Variants in RBFOX3 observed in about 807,000 individuals in gnomAD.
RBFOX3 encodes RNA binding protein fox-1 homolog 3.
RBFOX3 carries 17 observed loss-of-function variants against 48.7 expected under a neutral mutation model. The observed-to-expected ratio is 0.35, with a 90% CI of 0.24 to 0.52. The LOEUF (loss-of-function observed/expected upper bound fraction) is 0.52, where lower values mean the gene tolerates loss of function less well. Among genes scored for constraint, RBFOX3 ranks in the 20% least tolerant of loss-of-function variants. The probability of loss-of-function intolerance (pLI) is 0.94; values close to 1 mark genes in which losing one functional copy is unlikely to be tolerated. For synonymous variants in RBFOX3, 212 were observed against 209.5 expected (o/e 1.01, Z -0.10); for missense variants, 382 against 497.5 (o/e 0.77, Z 2.21).
intron 1 of RBFOX3, among the ~76,000 whole-genome samples, chr17:79,492,790 C>T (rs1445866372): frequency 1.3e-5 from 2 of 152,084 alleles, no homozygotes; most frequent in South Asian, 2.1e-4. Context: ...TGGAGAAGAA[C>T]GCGAAGTGAG....
intron 4 of RBFOX3, among the ~76,000 whole-genome samples, chr17:79,175,026 C>T (rs1039238517): frequency 1.3e-5 from 2 of 152,252 alleles, no homozygotes; most frequent in African/African-American, 2.4e-5. Flanking sequence ...CCAGGCATGC[C>T]CCAGCCCCTC....
rs9914068 is a variant in RBFOX3 at position 79,372,260 on chromosome 17, G to A, written c.-174-64436C>T. ...CCTATGGCCTCCCCATACTATCCCC[G>A]GCAATCCTATGGCTCCCCTGGGTCC... is the stretch of plus-strand genomic sequence containing the variant. On this transcript the variant is annotated intron_variant, in intron 2 of 14. Coordinates refer to ENST00000693108, the MANE Select transcript of RBFOX3 (RefSeq NM_001350451.2). 3.9e-4 allele frequency among the ~76,000 whole-genome samples: 57 copies of A among 147,492 alleles called. 1 individual carries two copies. In the South Asian group the frequency reaches 6.0e-3, roughly 16 times the overall value.
the RBFOX3 span, among the ~76,000 whole-genome samples, chr17:79,643,315 G>T: frequency 1.3e-5 from 2 of 152,054 alleles, no homozygotes; most frequent in Non-Finnish European, 2.9e-5. Context: ...AATACATAAG[G>T]AAAAAGCCAA....
intron 4 of RBFOX3, among the ~76,000 whole-genome samples, chr17:79,216,975 G>T (rs2059139434): frequency 6.6e-6 from 1 of 152,156 alleles, no homozygotes; most frequent in Admixed American, 6.5e-5. Context: ...CCTCCAGGGG[G>T]TATCCCCAGG....
intron 1 of RBFOX3, among the ~76,000 whole-genome samples, chr17:79,487,083 G>A (rs1336278463): frequency 6.6e-6 from 1 of 152,236 alleles, no homozygotes; most frequent in Non-Finnish European, 1.5e-5. Flanking sequence ...GAGAGAGACC[G>A]AGGGAGGGAA....
intron 4 of RBFOX3, among the ~76,000 whole-genome samples, chr17:79,172,754 A>C (rs2049625080): frequency 6.6e-6 from 1 of 152,194 alleles, no homozygotes; most frequent in Non-Finnish European, 1.5e-5. Flanking sequence ...TGTTTGTGTA[A>C]AATCTACACC....
At chr17:79,464,687 T>G (rs1555752331) in intron 2 of RBFOX3, among the ~76,000 whole-genome samples, 2 of 152,270 alleles carry the variant, frequency 1.3e-5, no homozygotes. Flanking sequence ...AATACATTTC[T>G]GCCACTGCTG....
At chr17:79,274,932 C>A (rs1224133790) in intron 3 of RBFOX3, among the ~76,000 whole-genome samples, 1 of 151,370 alleles carries the variant, frequency 6.6e-6, no homozygotes, top group African/African-American at 2.4e-5. Flanking sequence ...CATTTTCACC[C>A]CCTCCCCACA....
chr17:79,341,782 G>T (rs535747616), intron 2 of RBFOX3, among the ~76,000 whole-genome samples: 1 of 152,282 alleles, frequency 6.6e-6, no homozygotes, highest in African/African-American at 2.4e-5. Flanking sequence ...AAGAGGAGTG[G>T]CGAGCCTGTC....
intron 4 of RBFOX3, among the ~76,000 whole-genome samples, chr17:79,170,686 G>A (rs553012559): frequency 6.6e-5 from 10 of 151,988 alleles, no homozygotes; most frequent in East Asian, 5.8e-4. Flanking sequence ...TGTTCCGGCC[G>A]CCCCTGGTCT....
At chr17:79,344,583 C>T (rs1028035705) in intron 2 of RBFOX3, among the ~76,000 whole-genome samples, 1 of 127,856 alleles carries the variant, frequency 7.8e-6, no homozygotes, top group Non-Finnish European at 1.7e-5. Flanking sequence ...AAGACGGAGT[C>T]TCACTCCATT....
At chr17:79,108,998 C>T (rs1047257896) in intron 5 of RBFOX3, among the ~76,000 whole-genome samples, 10 of 152,382 alleles carry the variant, frequency 6.6e-5, no homozygotes, top group South Asian at 2.1e-4. Context: ...GCGTGGGAAC[C>T]GCTGTCCCGA....
At chr17:79,469,280 C>T (rs1033487564) in intron 2 of RBFOX3, among the ~76,000 whole-genome samples, 13 of 152,230 alleles carry the variant, frequency 8.5e-5, no homozygotes, top group Admixed American at 8.5e-4. Flanking sequence ...CACGAGGTGT[C>T]TGACATGTAT....
Position 79,212,735 on chromosome 17 carries a change from A to G in RBFOX3, c.-34+23031T>C, listed in dbSNP as rs2058543664. ...GTTTCCCCTTTTGTCCTAGAATGAG[A>G]AAAGCAGGCTGTGGGGAGGGGCGGG... On this transcript the variant is annotated intron_variant, in intron 4 of 14. Transcript: ENST00000693108. This position sits in a 1 kb window ranked among gnomAD's most constrained non-coding sequence, Gnocchi z 4.7. 6.6e-6 allele frequency among the ~76,000 whole-genome samples: 1 copy of G among 152,156 alleles called. No individual in the cohort carries two copies. The highest frequency in any genetic ancestry group is 1.5e-5 in the Non-Finnish European group (1 of 68,024).
In RBFOX3 at chr17:79,252,834, T is replaced by C. The variant is rs1466424162; in HGVS notation, c.-73-17029A>G. ...GAGTGAGGCGTGGACCCAGGCTTTC[T>C]GCCTCTCCAATGAGACAGGAGGGCA... On this transcript the variant is annotated intron_variant, in intron 3 of 14. Transcript: ENST00000693108. This position sits in a 1 kb window ranked among gnomAD's most constrained non-coding sequence, Gnocchi z 4.0. Among the ~76,000 whole-genome samples, 1 of 152,186 alleles carries C rather than the reference T, an allele frequency of 6.6e-6. No individual in the cohort carries two copies. Among genetic ancestry groups the C allele is most frequent in the Admixed American group, 6.5e-5 (1 of 15,272 alleles).
chr17:79,466,152 G>A (rs941716837), intron 2 of RBFOX3, among the ~76,000 whole-genome samples: 37 of 152,220 alleles, frequency 2.4e-4, no homozygotes, highest in Non-Finnish European at 4.4e-5. Flanking sequence ...CCGTGGGGCT[G>A]GGGACAAGAT....
At position 79,608,737 on chromosome 17, in the gene RBFOX3, T is replaced by A. The variant is rs1791095156; in HGVS notation, c.-320+2089A>T. ...CTCCCAGAAGCTGTCAGCCAGGAAA[T>A]GAAGGGTTAAGCGTTGCTTCCAGGA... On this transcript the variant is annotated intron_variant, in intron 1 of 14. Coordinates refer to ENST00000693108, the MANE Select transcript of RBFOX3 (RefSeq NM_001350451.2). Among the ~76,000 whole-genome samples, 3 of 151,678 alleles carry A rather than the reference T, an allele frequency of 2.0e-5. No individual in the cohort carries two copies. The South Asian group carries it at 6.2e-4, about 32-fold the overall frequency.
intron 1 of RBFOX3, among the ~76,000 whole-genome samples, chr17:79,573,211 G>T (rs1410763543): frequency 1.3e-5 from 2 of 152,210 alleles, no homozygotes; most frequent in African/African-American, 2.4e-5. Flanking sequence ...GAGCGCAGCA[G>T]CAGAGCCACT....
chr17:79,345,847 G>A (rs766600315), intron 2 of RBFOX3, among the ~76,000 whole-genome samples: 2 of 152,002 alleles, frequency 1.3e-5, no homozygotes, highest in Non-Finnish European at 2.9e-5. Context: ...ATGTACTCAA[G>A]TCTGTCAATC....
Sources: gnomAD v4.1 joint callset for allele counts (sites outside exome capture counted in the v4.1 genomes callset) on GRCh38, gnomAD v4.1.1 for gene constraint, Gnocchi (gnomAD v3.1) non-coding constraint, MANE v1.5 for transcripts, NCBI Gene and HGNC (gene_info 2026-07-23, HGNC 2026-07-21) for gene names.